Variants in LHFPL3 observed in about 807,000 individuals in gnomAD.
LHFPL3 encodes LHFPL tetraspan subfamily member 3.
Under a neutral mutation model 19.3 loss-of-function variants are expected in LHFPL3, and 5 were observed. The observed-to-expected ratio is 0.26, with a 90% CI of 0.14 to 0.54. The LOEUF is 0.54. LHFPL3 is among the 20% of genes least tolerant of loss of function. The probability of loss-of-function intolerance (pLI) is 0.94; values close to 1 mark genes in which losing one functional copy is unlikely to be tolerated. For synonymous variants in LHFPL3, 133 were observed against 126.2 expected, an observed-to-expected ratio of 1.05 and a Z score of -0.36; for missense variants, 249 against 307.4, an observed-to-expected ratio of 0.81 and a Z score of 1.42.
intron 1 of LHFPL3, among the ~76,000 whole-genome samples, chr7:104,600,984 A>C (rs1438185327): frequency 6.6e-6 from 1 of 152,222 alleles, no homozygotes; most frequent in East Asian, 1.9e-4. Flanking sequence ...ATTTGACAGA[A>C]GAATAAGCCA....
intron 1 of LHFPL3, among the ~76,000 whole-genome samples, chr7:104,520,825 G>C (rs1358511854): frequency 1.4e-5 from 2 of 146,074 alleles, no homozygotes; most frequent in Non-Finnish European, 3.0e-5. Flanking sequence ...GCGTCTATTT[G>C]ATTCTTCTCT....
chr7:104,711,974 G>A, intron 1 of LHFPL3, among the ~76,000 whole-genome samples: 1 of 152,118 alleles, frequency 6.6e-6, no homozygotes, highest in Non-Finnish European at 1.5e-5. Context: ...CCTCCTCCCT[G>A]CAGAGATGTC....
intron 1 of LHFPL3, among the ~76,000 whole-genome samples, chr7:104,554,000 G>A (rs139413784): frequency 6.2e-4 from 95 of 152,242 alleles, no homozygotes; most frequent in Middle Eastern, 3.4e-3. Context: ...TCCCAAGCAC[G>A]TGATACCCCA....
Position 104,594,835 on chromosome 7 carries a change from T to C in LHFPL3, c.446-141840T>C, listed in dbSNP as rs139866724. Among the ~76,000 whole-genome samples the C allele has an allele frequency of 5.7e-3, 874 of 152,306 alleles. 5 individuals are homozygous for C. Among genetic ancestry groups the C allele is most frequent in the Non-Finnish European group, 9.0e-3 (610 of 68,028 alleles). ...TTCTTCCACTTGATCAAATCAGCTA[T>C]TGAAGCTTGTGCATGCATCACGAAG... On this transcript the variant is annotated intron_variant, in intron 1 of 2. Coordinates refer to ENST00000424859, the MANE Select transcript of LHFPL3 (RefSeq NM_199000.3).
At chr7:104,653,313 A>T (rs1792063773) in intron 1 of LHFPL3, among the ~76,000 whole-genome samples, 2 of 152,208 alleles carry the variant, frequency 1.3e-5, no homozygotes, top group African/African-American at 2.4e-5. Flanking sequence ...AAGATATTTT[A>T]AAACTGAGTG....
At chr7:104,374,669 G>A (rs1460549811) in intron 1 of LHFPL3, among the ~76,000 whole-genome samples, 2 of 152,270 alleles carry the variant, frequency 1.3e-5, no homozygotes, top group South Asian at 4.1e-4. Flanking sequence ...TTAGAAACAC[G>A]TGGAACCCTG....
At chr7:104,409,935 C>T (rs987856363) in intron 1 of LHFPL3, among the ~76,000 whole-genome samples, 2 of 151,904 alleles carry the variant, frequency 1.3e-5, no homozygotes, top group African/African-American at 2.4e-5. Context: ...AAGCAATGCA[C>T]GAGATTGTTA....
chr7:104,405,488 T>C (rs1301568218), intron 1 of LHFPL3, among the ~76,000 whole-genome samples: 1 of 152,190 alleles, frequency 6.6e-6, no homozygotes, highest in Non-Finnish European at 1.5e-5. Context: ...GTGGTGTGCC[T>C]GGCATTCACT....
At chr7:104,418,447 A>C (rs974115493) in intron 1 of LHFPL3, among the ~76,000 whole-genome samples, 1 of 152,066 alleles carries the variant, frequency 6.6e-6, no homozygotes, top group Admixed American at 6.5e-5. Context: ...CAGGAGGAAC[A>C]CTTGAGCCCA....
intron 2 of LHFPL3, among the ~76,000 whole-genome samples, chr7:104,764,906 G>A (rs1794430662): frequency 2.0e-5 from 3 of 152,190 alleles, no homozygotes; most frequent in Non-Finnish European, 1.5e-5. Flanking sequence ...GACATTAGAT[G>A]ACTTGTTCAA....
At chr7:104,386,304 G>A (rs993852109) in intron 1 of LHFPL3, among the ~76,000 whole-genome samples, 1 of 152,156 alleles carries the variant, frequency 6.6e-6, no homozygotes, top group Non-Finnish European at 1.5e-5. Flanking sequence ...TATCTGACCT[G>A]ACTTGGAGCT....
At chr7:104,514,924 T>G (rs1225986728) in intron 1 of LHFPL3, among the ~76,000 whole-genome samples, 2 of 152,210 alleles carry the variant, frequency 1.3e-5, no homozygotes, top group Admixed American at 6.5e-5. Context: ...AAACTACCCT[T>G]CTTTTCTGTT....
At chr7:104,526,403 G>T (rs928751252) in intron 1 of LHFPL3, among the ~76,000 whole-genome samples, 1 of 152,246 alleles carries the variant, frequency 6.6e-6, no homozygotes, top group African/African-American at 2.4e-5. Flanking sequence ...GGGGCTGGCA[G>T]AAAAGATGGA....
intron 1 of LHFPL3, among the ~76,000 whole-genome samples, chr7:104,595,510 C>G (rs1790831419): frequency 6.6e-6 from 1 of 152,226 alleles, no homozygotes; most frequent in Non-Finnish European, 1.5e-5. Context: ...TTAGGCTATA[C>G]AGGGGTCAGG....
intron 1 of LHFPL3, among the ~76,000 whole-genome samples, chr7:104,585,095 CCTT>C (rs1169641183): frequency 2.0e-5 from 3 of 152,084 alleles, no homozygotes; most frequent in Non-Finnish European, 4.4e-5. Flanking sequence ...TGTCCTCTGT[CCTT>C]CTCCCTACTC....
intron 1 of LHFPL3, among the ~76,000 whole-genome samples, chr7:104,490,962 G>A (rs539997126): frequency 1.6e-3 from 247 of 152,170 alleles, no homozygotes; most frequent in Admixed American, 3.3e-3. Flanking sequence ...ACTAGGTGTG[G>A]GTGAGCCCTC....
chr7:104,888,860 C>T (rs1164323088), intron 2 of LHFPL3, among the ~76,000 whole-genome samples: 5 of 152,218 alleles, frequency 3.3e-5, no homozygotes, highest in Middle Eastern at 3.4e-3. Context: ...AAATTGTTTC[C>T]GTTAATGAAT....
chr7:104,613,278 A>G (rs1791244243), intron 1 of LHFPL3, among the ~76,000 whole-genome samples: 2 of 152,204 alleles, frequency 1.3e-5, no homozygotes, highest in Non-Finnish European at 2.9e-5. Context: ...TCTAAAGCTC[A>G]ATGCCCAGGT....
At chr7:104,728,138 T>A (rs1043549045) in intron 1 of LHFPL3, among the ~76,000 whole-genome samples, 1 of 152,102 alleles carries the variant, frequency 6.6e-6, no homozygotes, top group Admixed American at 6.6e-5. Context: ...AAATAACAAA[T>A]AACTAAAGCA....
Sources: allele counts gnomAD v4.1 joint callset (sites outside exome capture counted in the v4.1 genomes callset), GRCh38; gene constraint gnomAD v4.1.1; transcripts MANE v1.5; gene names NCBI Gene and HGNC (gene_info 2026-07-23, HGNC 2026-07-21).